The following GHRH variants were observed in gnomAD, a reference collection of about 807,000 sequenced individuals.
GHRH encodes growth hormone releasing hormone, also known as somatoliberin.
Under a neutral mutation model 15.6 loss-of-function variants are expected in GHRH, and 7 were observed. That is an observed-to-expected ratio of 0.45 (90% CI 0.26 to 0.84). GHRH has a LOEUF of 0.84. Ranked by LOEUF, GHRH falls within the 40% of genes least tolerant of loss-of-function variation. The pLI is 0.18. For synonymous variants in GHRH, 54 were observed against 50.4 expected (o/e 1.07, Z -0.30); for missense variants, 117 against 138.0 (o/e 0.85, Z 0.76).
At chr20:37,261,348 A>G (rs935302434) in intron 1 of GHRH, among the ~76,000 whole-genome samples, 18 of 152,354 alleles carry the variant, frequency 1.2e-4, no homozygotes, top group Non-Finnish European at 1.8e-4. Flanking sequence ...TGAGTGATCA[A>G]TGAGCAGTAT....
chr20:37,253,880 G>A (rs1438180915), intron 4 of GHRH, among the ~76,000 whole-genome samples: 5 of 151,980 alleles, frequency 3.3e-5, no homozygotes, highest in Non-Finnish European at 7.4e-5. Flanking sequence ...CCTCCCGAGT[G>A]GCTGGGATTA....
intron 1 of GHRH, among the ~76,000 whole-genome samples, chr20:37,257,508 T>C (rs1240144768): frequency 7.2e-6 from 1 of 138,116 alleles, no homozygotes; most frequent in Non-Finnish European, 1.5e-5. Flanking sequence ...AGTGAGACCC[T>C]GTCTCAAAAA....
chr20:37,251,219 C>T lies in GHRH; in HGVS notation c.321G>A (p.Gln107=). 2 of 1,601,718 alleles carry T rather than the reference C, an allele frequency of 1.2e-6. No individual in the cohort carries two copies. The highest frequency in any genetic ancestry group is 1.7e-6 in the Non-Finnish European group (2 of 1,174,698). The change falls in exon 5 of 5, where the codon CAG becomes CAA. Residue 107 remains glutamine, a synonymous_variant. Transcript: ENST00000373614. Reference sequence around the variant, plus strand: ...CGGGTCACAGGAGGAATCTTCATCCCTGGGAGTTCCTGCTGCAGAAAGAAA... The same window carrying T: ...CGGGTCACAGGAGGAATCTTCATCCTTGGGAGTTCCTGCTGCAGAAAGAAA... ...ALLQKHSRNS[Q]G is the part of the protein sequence containing the mutation.
intron 3 of GHRH, among the ~76,000 whole-genome samples, chr20:37,255,155 T>C (rs111390448): frequency 2.8e-4 from 42 of 152,316 alleles, no homozygotes; most frequent in African/African-American, 8.7e-4. Flanking sequence ...TGTTTCTGTG[T>C]GTATGTATCT....
intron 2 of GHRH, 63 bp downstream of exon 2, chr20:37,256,744 A>T: frequency 2.3e-6 from 3 of 1,316,600 alleles, no homozygotes. Context: ...TGCATTCACT[A>T]ACGCCTGCCC....
In GHRH at chr20:37,251,129, A is replaced by G. The variant is rs2068618660; in HGVS notation, c.*84T>C. ...TGGGGGAATTTTATTGTATTTTCAAAGGAAAAAGTGGGTCAGAAATGAGAG... is the reference window on the plus strand; with the variant it reads ...TGGGGGAATTTTATTGTATTTTCAAGGGAAAAAGTGGGTCAGAAATGAGAG... On this transcript the variant is annotated 3_prime_UTR_variant, in exon 5 of 5. Transcript: ENST00000373614. The G allele has an allele frequency of 7.7e-6, 7 of 907,026 alleles. No individual in the cohort carries two copies. 56.2% of individuals were successfully genotyped at this position (907,026 alleles called of 1,614,324 possible).
At position 37,253,787 on chromosome 20, in the gene GHRH, G is replaced by A. The variant is rs538404907; in HGVS notation, c.308+423C>T. ...TTTATTTTAGACAGAGTCTTGCTCT[G>A]TCACCCAGGCTGGAGTGTAATGGTG... On this transcript the variant is annotated intron_variant, in intron 4 of 4. Transcript: ENST00000373614. Among the ~76,000 whole-genome samples the A allele has an allele frequency of 3.3e-5, 5 of 152,132 alleles. No individual in the cohort carries two copies. The South Asian group carries it at 1.0e-3, about 32-fold the overall frequency.
At chr20:37,259,396 C>T (rs1056345602) in intron 1 of GHRH, among the ~76,000 whole-genome samples, 1 of 152,174 alleles carries the variant, frequency 6.6e-6, no homozygotes, top group Non-Finnish European at 1.5e-5. Context: ...TTTCCTAAGC[C>T]GAGAGATCTC....
chr20:37,256,606 C>A, intron 2 of GHRH, 108 bp from the exon 3 acceptor site: 2 of 764,426 alleles, frequency 2.6e-6, no homozygotes, highest in South Asian at 1.7e-5. Context: ...GCCATCTGTC[C>A]CACTCACCCC....
At chr20:37,256,961 C>G (rs895403832) in intron 1 of GHRH, 53 bp from the exon 2 acceptor site, 2 of 1,083,928 alleles carry the variant, frequency 1.8e-6, no homozygotes, top group South Asian at 2.7e-5. Flanking sequence ...ATTGGGATGG[C>G]CTTCACTGGC....
intron 1 of GHRH, among the ~76,000 whole-genome samples, chr20:37,260,503 TG>T (rs2068682268): frequency 6.6e-6 from 1 of 152,136 alleles, no homozygotes; most frequent in African/African-American, 2.4e-5. Context: ...GAGGATTGCT[TG>T]AGCCCGGGAG....
At position 37,251,153 on chromosome 20, in the gene GHRH, A is replaced by C. The variant is rs2068618768; in HGVS notation, c.*60T>G. 10 of 1,252,248 alleles carry C rather than the reference A, an allele frequency of 8.0e-6. No homozygotes were observed. The highest frequency in any genetic ancestry group is 1.9e-4 in the Middle Eastern group (1 of 5,318). 77.6% of individuals were successfully genotyped at this position (1,252,248 alleles called of 1,614,324 possible). ...AAGGAAAAAGTGGGTCAGAAATGAGAGGATTAACTGGATCCAGTTGCATTT... is the reference window on the plus strand; with the variant it reads ...AAGGAAAAAGTGGGTCAGAAATGAGCGGATTAACTGGATCCAGTTGCATTT... On this transcript the variant is annotated 3_prime_UTR_variant, in exon 5 of 5. Transcript: ENST00000373614.
Position 37,258,708 on chromosome 20 carries a change from C to A in GHRH, c.-19-1800G>T, listed in dbSNP as rs1278021653. ...CCAGCGAATGACAGGGATCTCACTACCCCCAGGCCCGGGAGCTTATTTCCA... is the reference window on the plus strand; with the variant it reads ...CCAGCGAATGACAGGGATCTCACTAACCCCAGGCCCGGGAGCTTATTTCCA... On this transcript the variant is annotated intron_variant, in intron 1 of 4. Transcript: ENST00000373614. This position sits in a 1 kb window ranked among gnomAD's most constrained non-coding sequence, Gnocchi z 4.1. 6.6e-6 allele frequency among the ~76,000 whole-genome samples: 1 copy of A among 152,150 alleles called. No homozygotes were observed. The highest frequency in any genetic ancestry group is 1.9e-4 in the East Asian group (1 of 5,194).
chr20:37,258,284 T>C lies in GHRH; in HGVS notation c.-19-1376A>G, dbSNP rs1424236984. On this transcript the variant is annotated intron_variant, in intron 1 of 4. Coordinates refer to ENST00000373614, the MANE Select transcript of GHRH (RefSeq NM_021081.6). This position sits in a 1 kb window ranked among gnomAD's most constrained non-coding sequence, Gnocchi z 4.1. ...GCAGGATGTCTACTCCATGGGGGTG[T>C]AGATCCATCCAGAAGCCCAGCCAGC... Among the ~76,000 whole-genome samples, 1 of 152,070 alleles carries C rather than the reference T, an allele frequency of 6.6e-6. No individual in the cohort carries two copies. The highest frequency in any genetic ancestry group is 1.5e-5 in the Non-Finnish European group (1 of 67,984).
intron 4 of GHRH, among the ~76,000 whole-genome samples, chr20:37,251,785 G>A (rs1235567202): frequency 6.6e-6 from 1 of 152,158 alleles, no homozygotes; most frequent in African/African-American, 2.4e-5. Flanking sequence ...AATGTATGAT[G>A]GCTGCAAAAG....
chr20:37,255,684 A>G (rs894262022), intron 3 of GHRH, among the ~76,000 whole-genome samples: 1 of 129,356 alleles, frequency 7.7e-6, no homozygotes, highest in Non-Finnish European at 1.5e-5. Context: ...AAAAAAAAAA[A>G]AAGAGCTATT....
At chr20:37,257,649 G>A (rs918215373) in intron 1 of GHRH, among the ~76,000 whole-genome samples, 1 of 152,192 alleles carries the variant, frequency 6.6e-6, no homozygotes, top group African/African-American at 2.4e-5. Context: ...GGCAGCAAGG[G>A]TAACTGCTCA....
rs2068656901 is a variant in GHRH, at chr20:37,256,507, A to AAGGAGTC, written c.84-16_84-10dup. On this transcript the variant is annotated splice_polypyrimidine_tract_variant and intron_variant, in intron 2 of 4. Coordinates refer to ENST00000373614, the MANE Select transcript of GHRH (RefSeq NM_021081.6). ...CTGCATACCGCCGCATCCTGTGCGG[A>AAGGAGTC]AGGAGTCAGGGGTCAGAGGGCGGGG... The AAGGAGTC allele has an allele frequency of 6.3e-7, 1 of 1,592,150 alleles. No homozygotes were observed. The highest frequency in any genetic ancestry group is 8.6e-7 in the Non-Finnish European group (1 of 1,161,988).
intron 1 of GHRH, among the ~76,000 whole-genome samples, chr20:37,259,840 G>T (rs2068678232): frequency 6.6e-6 from 1 of 152,218 alleles, no homozygotes; most frequent in Admixed American, 6.5e-5. Context: ...TCCCAGGCCG[G>T]CAGACTTCCT....
Sources: gnomAD v4.1 joint callset for allele counts (sites outside exome capture counted in the v4.1 genomes callset) on GRCh38, gnomAD v4.1.1 for gene constraint, Gnocchi (gnomAD v3.1) non-coding constraint, MANE v1.5 for transcripts, NCBI Gene and HGNC (gene_info 2026-07-23, HGNC 2026-07-21) for gene names.